Variants in FAM3B observed in about 807,000 individuals in gnomAD.
FAM3B encodes protein FAM3B.
Under a neutral mutation model 28.4 loss-of-function variants are expected in FAM3B, and 29 were observed. The observed-to-expected ratio is 1.02, with a 90% CI of 0.76 to 1.39. The LOEUF (loss-of-function observed/expected upper bound fraction) is 1.39. Among genes scored for constraint, FAM3B ranks in the 40% most tolerant of loss-of-function variants. The pLI is 0.00. For synonymous variants in FAM3B, 91 were observed against 103.0 expected, an observed-to-expected ratio of 0.88 and a Z score of 0.71; for missense variants, 266 against 293.9, an observed-to-expected ratio of 0.91 and a Z score of 0.69.
In FAM3B at chr21:41,347,727, C is replaced by T. The variant is rs1018076350; in HGVS notation, c.485+627C>T. Among the ~76,000 whole-genome samples, 11 of 139,288 alleles carry T rather than the reference C, an allele frequency of 7.9e-5. No individual in the cohort carries two copies. In the South Asian group the frequency reaches 1.8e-3, roughly 23 times the overall value. The allele number at this position is 139,288 out of a possible 152,430, so 91.4% of individuals were successfully genotyped here. A position where few individuals can be genotyped will look rare whatever the true frequency, so the allele number is the denominator to read the frequency against. ...AAGATTGCACCACTGCACTCCAGCC[C>T]GGTGACAGAGCGAGACTGTCTCAAA... is the stretch of plus-strand genomic sequence containing the variant. On this transcript the variant is annotated intron_variant, in intron 6 of 7. Coordinates refer to ENST00000357985, the MANE Select transcript of FAM3B (RefSeq NM_058186.4).
At chr21:41,317,251 C>G (rs960100576) in intron 1 of FAM3B, among the ~76,000 whole-genome samples, 4 of 150,932 alleles carry the variant, frequency 2.7e-5, no homozygotes, top group Non-Finnish European at 5.9e-5. Flanking sequence ...CAGCCCCGCA[C>G]CCCCACCCCC....
chr21:41,329,025 G>A (rs11911858), intron 2 of FAM3B, among the ~76,000 whole-genome samples: 5 of 152,160 alleles, frequency 3.3e-5, no homozygotes, highest in South Asian at 2.1e-4. Context: ...TAATTAATTC[G>A]TTGACAGCAT....
intron 2 of FAM3B, among the ~76,000 whole-genome samples, chr21:41,331,579 TAA>T (rs2088906013): frequency 6.6e-6 from 1 of 152,220 alleles, no homozygotes; most frequent in African/African-American, 2.4e-5. Context: ...GTTTTATGGT[TAA>T]GTCATTAATT....
Position 41,350,996 on chromosome 21 carries a change from C to G in FAM3B, c.618+2272C>G, listed in dbSNP as rs117661877. Reference sequence around the variant, plus strand: ...CCACACAGGGACCCCCCCATGCACACGAGCGTCTGTGGTTATTATTACTAC... The same window carrying G: ...CCACACAGGGACCCCCCCATGCACAGGAGCGTCTGTGGTTATTATTACTAC... On this transcript the variant is annotated intron_variant, in intron 7 of 7. Coordinates refer to ENST00000357985, the MANE Select transcript of FAM3B (RefSeq NM_058186.4). Among the ~76,000 whole-genome samples the G allele has an allele frequency of 1.9e-3, 291 of 152,148 alleles. 1 individual carries two copies. The East Asian group carries it at 0.049, about 26-fold the overall frequency.
At chr21:41,331,400 C>T (rs1266053080) in intron 2 of FAM3B, among the ~76,000 whole-genome samples, 2 of 152,100 alleles carry the variant, frequency 1.3e-5, no homozygotes, top group African/African-American at 2.4e-5. Context: ...CTCTTCACTC[C>T]GCTGATTGTT....
At chr21:41,324,327 A>G (rs34332678) in intron 2 of FAM3B, among the ~76,000 whole-genome samples, 2,766 of 152,274 alleles carry the variant, frequency 0.018, 42 homozygotes, top group Non-Finnish European at 0.028. Context: ...AAGCTCTGAT[A>G]CCCCAGGCCC....
intron 1 of FAM3B, among the ~76,000 whole-genome samples, chr21:41,317,864 T>C (rs2088764769): frequency 6.6e-6 from 1 of 152,136 alleles, no homozygotes; most frequent in African/African-American, 2.4e-5. Flanking sequence ...CATTTTAAGA[T>C]TTTTGCCTCG....
At chr21:41,324,886 G>A (rs1169988706) in intron 2 of FAM3B, among the ~76,000 whole-genome samples, 1 of 152,184 alleles carries the variant, frequency 6.6e-6, no homozygotes, top group Non-Finnish European at 1.5e-5. Context: ...CACATCACCT[G>A]AGGTCAAGAG....
chr21:41,334,292 A>G lies in FAM3B; in HGVS notation c.164-4086A>G, dbSNP rs896830805. ...AAGCCAAGTGCTATTAGCCAAGACA[A>G]TGGGAAAAAGTCTCCAAAGGCATTT... On this transcript the variant is annotated intron_variant, in intron 2 of 7. Transcript: ENST00000357985. 2.6e-5 allele frequency among the ~76,000 whole-genome samples: 4 copies of G among 152,288 alleles called. No individual in the cohort carries two copies. The East Asian group carries it at 7.7e-4, about 29-fold the overall frequency.
chr21:41,357,341 T>C lies in FAM3B; in HGVS notation c.*144T>C. ...AACCAATGAACATTTGCTAGTTGTA[T>C]CAAATCTTGGTACGCAGTATTTTTA... On this transcript the variant is annotated 3_prime_UTR_variant, in exon 8 of 8. Coordinates refer to ENST00000357985, the MANE Select transcript of FAM3B (RefSeq NM_058186.4). 1 of 450,976 alleles carries C rather than the reference T, an allele frequency of 2.2e-6. No individual in the cohort carries two copies. The highest frequency in any genetic ancestry group is 4.0e-6 in the Non-Finnish European group (1 of 248,610). 27.9% of individuals were successfully genotyped at this position (450,976 alleles called of 1,614,324 possible).
intron 1 of FAM3B, among the ~76,000 whole-genome samples, chr21:41,304,715 C>G (rs35721317): frequency 2.6e-5 from 4 of 152,230 alleles, no homozygotes; most frequent in African/African-American, 9.6e-5. Flanking sequence ...ATTCCAGAAC[C>G]TACTTCAGGG....
intron 7 of FAM3B, among the ~76,000 whole-genome samples, chr21:41,350,801 G>C (rs1014746802): frequency 1.3e-5 from 2 of 152,194 alleles, no homozygotes; most frequent in African/African-American, 4.8e-5. Flanking sequence ...CGACTTCTCT[G>C]CTCCTTCCCC....
chr21:41,350,878 CA>C, intron 7 of FAM3B, among the ~76,000 whole-genome samples: 1 of 152,350 alleles, frequency 6.6e-6, no homozygotes, highest in Middle Eastern at 3.4e-3. Flanking sequence ...TCAGCATCTC[CA>C]GGGGCCTTGT....
upstream of FAM3B, among the ~76,000 whole-genome samples, chr21:41,312,722 AGT>A (rs10580404): frequency 0.05 from 7,438 of 147,848 alleles, 191 homozygotes; most frequent in Middle Eastern, 0.11. Flanking sequence ...TGTGTGTGAG[AGT>A]GTGTGTGTGT....
At chr21:41,331,724 G>C (rs544237219) in intron 2 of FAM3B, among the ~76,000 whole-genome samples, 1 of 152,284 alleles carries the variant, frequency 6.6e-6, no homozygotes, top group South Asian at 2.1e-4. Flanking sequence ...TTGATGTTAT[G>C]AAGTTAACTG....
At chr21:41,335,013 C>T (rs1034997242) in intron 2 of FAM3B, among the ~76,000 whole-genome samples, 18 of 152,170 alleles carry the variant, frequency 1.2e-4, no homozygotes, top group Admixed American at 9.8e-4. Context: ...GTTTTGGACT[C>T]GTGTGGGGCC....
chr21:41,355,364 T>A (rs1186626161), intron 7 of FAM3B, among the ~76,000 whole-genome samples: 1 of 152,182 alleles, frequency 6.6e-6, no homozygotes, highest in African/African-American at 2.4e-5. Context: ...CACAAAAACT[T>A]GTGCACAAAT....
At chr21:41,346,250 C>G (rs2089058668) in intron 5 of FAM3B, 1 of 153,004 alleles carries the variant, frequency 6.5e-6, no homozygotes. Flanking sequence ...GATATACTAT[C>G]CCCTCTTATT....
intron 1 of FAM3B, among the ~76,000 whole-genome samples, chr21:41,311,254 ATATATAT>A (rs2088711418): frequency 6.4e-4 from 18 of 28,234 alleles, no homozygotes; most frequent in African/African-American, 6.3e-4. Flanking sequence ...AAAAAAAAAT[ATATATAT>A]ATATATATAT....
Sources: gnomAD v4.1 joint callset for allele counts (sites outside exome capture counted in the v4.1 genomes callset) on GRCh38, gnomAD v4.1.1 for gene constraint, MANE v1.5 for transcripts, NCBI Gene and HGNC (gene_info 2026-07-23, HGNC 2026-07-21) for gene names.